Variants in MLLT3 observed in about 807,000 individuals in gnomAD.
The protein encoded by MLLT3 is protein AF-9.
A neutral mutation model predicts 53.2 loss-of-function variants in MLLT3; 4 were observed. That is an observed-to-expected ratio of 0.08 (90% CI 0.04 to 0.17). The LOEUF is 0.17. Ranked by LOEUF, MLLT3 falls within the 10% of genes least tolerant of loss-of-function variation. MLLT3 has a pLI of 1.00. For missense variants in MLLT3, 569 were observed against 684.0 expected (o/e 0.83, Z 1.87); for synonymous variants, 283 against 230.6 (o/e 1.23, Z -2.06).
At chr9:20,562,826 A>G (rs991820661) in intron 2 of MLLT3, among the ~76,000 whole-genome samples, 7 of 152,222 alleles carry the variant, frequency 4.6e-5, no homozygotes, top group African/African-American at 1.7e-4. Flanking sequence ...TACTTTGTGT[A>G]GTATAACAGG....
chr9:20,523,970 C>CAA lies in MLLT3; in HGVS notation c.194-67186_194-67185dup, dbSNP rs112024673. Among the ~76,000 whole-genome samples, 134 of 124,836 alleles carry CAA rather than the reference C, an allele frequency of 1.1e-3. 1 individual carries two copies. The highest frequency in any genetic ancestry group is 3.8e-3 in the African/African-American group (131 of 34,756). The allele number at this position is 124,836 out of a possible 152,430, so 81.9% of individuals were successfully genotyped here. On this transcript the variant is annotated intron_variant, in intron 2 of 10. Coordinates refer to ENST00000380338, the MANE Select transcript of MLLT3 (RefSeq NM_004529.4). Reference sequence around the variant, plus strand: ...TAGGCAACAGAGCCAGAACCCATCTCAAAAAAAAAAAAAGCCACAGACACA... The same window carrying CAA: ...TAGGCAACAGAGCCAGAACCCATCTCAAAAAAAAAAAAAAAGCCACAGACACA...
At chr9:20,357,414 A>C (rs1821197672) in intron 8 of MLLT3, among the ~76,000 whole-genome samples, 1 of 152,270 alleles carries the variant, frequency 6.6e-6, no homozygotes, top group South Asian at 2.1e-4. Context: ...AGAGCTACCT[A>C]GACTGCCTAG....
chr9:20,433,911 G>A (rs555202421), intron 4 of MLLT3, among the ~76,000 whole-genome samples: 4 of 150,748 alleles, frequency 2.7e-5, no homozygotes, highest in African/African-American at 9.8e-5. Flanking sequence ...TCAAGAGATC[G>A]AGACCATACT....
intron 4 of MLLT3, among the ~76,000 whole-genome samples, chr9:20,419,455 T>C (rs1822952714): frequency 6.7e-6 from 1 of 148,816 alleles, no homozygotes; most frequent in African/African-American, 2.5e-5. Flanking sequence ...ATAATTAAAG[T>C]AATATGGAAA....
intron 5 of MLLT3, among the ~76,000 whole-genome samples, chr9:20,387,691 G>C (rs1184119003): frequency 6.6e-6 from 1 of 152,162 alleles, no homozygotes; most frequent in Non-Finnish European, 1.5e-5. Context: ...GTATACAAAT[G>C]AAAGTCTCAT....
At chr9:20,465,625 C>T (rs1402461064) in intron 2 of MLLT3, among the ~76,000 whole-genome samples, 2 of 152,008 alleles carry the variant, frequency 1.3e-5, no homozygotes, top group Non-Finnish European at 2.9e-5. Flanking sequence ...ACAGAAACAC[C>T]AAAACGTGAT....
intron 2 of MLLT3, among the ~76,000 whole-genome samples, chr9:20,463,560 C>A (rs1047350277): frequency 6.6e-6 from 1 of 152,128 alleles, no homozygotes; most frequent in Non-Finnish European, 1.5e-5. Flanking sequence ...TTACATCTTT[C>A]ACTAAAATTG....
intron 5 of MLLT3, 134 bp from the exon 6 acceptor site, chr9:20,365,878 C>T (rs1329945706): frequency 1.3e-5 from 10 of 797,430 alleles, no homozygotes; most frequent in Non-Finnish European, 2.0e-5. Flanking sequence ...ATTACTAACA[C>T]AGGAGAGTCA....
chr9:20,540,435 C>T (rs889084380), intron 2 of MLLT3, among the ~76,000 whole-genome samples: 4 of 152,200 alleles, frequency 2.6e-5, no homozygotes, highest in Non-Finnish European at 5.9e-5. Context: ...GGCAGAGGTT[C>T]CCAAACCTCA....
intron 2 of MLLT3, among the ~76,000 whole-genome samples, chr9:20,541,978 T>A (rs1363680400): frequency 6.6e-6 from 1 of 152,222 alleles, no homozygotes; most frequent in Admixed American, 6.5e-5. Flanking sequence ...ATGTTCATAA[T>A]GGCATCTAGA....
chr9:20,480,709 C>T (rs1033485068), intron 2 of MLLT3, among the ~76,000 whole-genome samples: 6 of 152,134 alleles, frequency 3.9e-5, no homozygotes, highest in African/African-American at 1.4e-4. Context: ...ATTCATAGAG[C>T]ACTAATGCAC....
chr9:20,609,428 T>G (rs945965004), intron 2 of MLLT3, among the ~76,000 whole-genome samples: 8 of 152,112 alleles, frequency 5.3e-5, no homozygotes, highest in African/African-American at 1.4e-4. Context: ...CAGCCCTCAA[T>G]TAGCTTACAT....
At chr9:20,561,071 CTTTAT>C (rs1391978600) in intron 2 of MLLT3, among the ~76,000 whole-genome samples, 10 of 152,236 alleles carry the variant, frequency 6.6e-5, no homozygotes, top group African/African-American at 2.4e-4. Flanking sequence ...CATGTATCTA[CTTTAT>C]TTTGTGTGTG....
At chr9:20,450,322 T>C (rs1485628191) in intron 3 of MLLT3, among the ~76,000 whole-genome samples, 2 of 152,196 alleles carry the variant, frequency 1.3e-5, no homozygotes, top group African/African-American at 4.8e-5. Context: ...ATTTTGAACT[T>C]ACCTCATTCT....
chr9:20,346,406 A>AC lies in MLLT3; in HGVS notation c.*36_*37insG. 1 of 1,474,918 alleles carries AC rather than the reference A, an allele frequency of 6.8e-7. No homozygotes were observed. Among genetic ancestry groups the AC allele is most frequent in the Non-Finnish European group, 9.0e-7 (1 of 1,110,956 alleles). The allele number at this position is 1,474,918 out of a possible 1,614,324, so 91.4% of individuals were successfully genotyped here. On this transcript the variant is annotated 3_prime_UTR_variant, in exon 11 of 11. Coordinates refer to ENST00000380338, the MANE Select transcript of MLLT3 (RefSeq NM_004529.4). ...AAAAAAAAAAAAACCAAAAAAAAAA[A>AC]ACACAATAGTTCTTGATGCATCCAG...
intron 2 of MLLT3, among the ~76,000 whole-genome samples, chr9:20,545,905 C>T (rs79297307): frequency 2.2e-3 from 330 of 151,042 alleles, no homozygotes; most frequent in Non-Finnish European, 3.5e-3. Context: ...CCAGTCCCAG[C>T]TACGAGAAAG....
At chr9:20,527,681 A>G (rs1563802152) in intron 2 of MLLT3, among the ~76,000 whole-genome samples, 1 of 152,188 alleles carries the variant, frequency 6.6e-6, no homozygotes, top group Admixed American at 6.5e-5. Context: ...CAAAAACAAT[A>G]ACTAAACTGG....
At chr9:20,442,002 C>T (rs1053581358) in intron 4 of MLLT3, among the ~76,000 whole-genome samples, 1 of 152,040 alleles carries the variant, frequency 6.6e-6, no homozygotes, top group Non-Finnish European at 1.5e-5. Flanking sequence ...TGTAACCTTT[C>T]CAAATGTAAG....
At chr9:20,402,443 G>C (rs1474266910) in intron 5 of MLLT3, among the ~76,000 whole-genome samples, 4 of 152,208 alleles carry the variant, frequency 2.6e-5, no homozygotes, top group Non-Finnish European at 5.9e-5. Flanking sequence ...GATAGACTAA[G>C]AAGAACAATC....
Sources: gnomAD v4.1 joint callset for allele counts (sites outside exome capture counted in the v4.1 genomes callset) on GRCh38, gnomAD v4.1.1 for gene constraint, MANE v1.5 for transcripts, NCBI Gene and HGNC (gene_info 2026-07-23, HGNC 2026-07-21) for gene names.